The following GREB1 variants were observed in gnomAD, a reference collection of about 807,000 sequenced individuals.
GREB1 encodes protein GREB1.
In GREB1, 106 loss-of-function variants were observed where a neutral mutation model predicts 200.7. The observed-to-expected ratio is 0.53, with a 90% CI of 0.45 to 0.62. The LOEUF is 0.62. GREB1 is among the 20% of genes least tolerant of loss of function. The pLI is 0.00. For synonymous variants in GREB1, 1,132 were observed against 1,092.4 expected (o/e 1.04, Z -0.72); for missense variants, 2,243 against 2,556.8 (o/e 0.88, Z 2.65).
chr2:11,544,635 T>C (rs909348848), intron 1 of GREB1, among the ~76,000 whole-genome samples: 1 of 152,166 alleles, frequency 6.6e-6, no homozygotes, highest in African/African-American at 2.4e-5. Flanking sequence ...AATGTTTTCC[T>C]TGGAATGGGC....
At chr2:11,623,145 C>T (rs933868372) in intron 23 of GREB1, among the ~76,000 whole-genome samples, 15 of 152,166 alleles carry the variant, frequency 9.9e-5, no homozygotes, top group African/African-American at 3.1e-4. Context: ...TCTAGGGGAA[C>T]TGAAAAATTC....
At position 11,585,817 on chromosome 2, in the gene GREB1, C is replaced by G. The variant is rs779038044; in HGVS notation, c.1071C>G (p.Val357=). The change falls in exon 9 of 33, where the codon GTC becomes GTG. Residue 357 remains valine, a synonymous_variant. Coordinates refer to ENST00000381486, the MANE Select transcript of GREB1 (RefSeq NM_014668.4). Reference sequence around the variant, plus strand: ...TTGGCTTGGTGGGACCAGCTTCAGTCACCTTTCCAGTGGTGGCCTCTGGAG... The same window carrying G: ...TTGGCTTGGTGGGACCAGCTTCAGTGACCTTTCCAGTGGTGGCCTCTGGAG... ...PQVGLVGPAS[V]TFPVVASGEP... 3 of 1,613,792 alleles carry G rather than the reference C, an allele frequency of 1.9e-6. No homozygotes were observed. Among genetic ancestry groups the G allele is most frequent in the Non-Finnish European group, 2.5e-6 (3 of 1,179,992 alleles).
At chr2:11,631,558 G>A (rs878913117) in intron 26 of GREB1, among the ~76,000 whole-genome samples, 4 of 152,166 alleles carry the variant, frequency 2.6e-5, no homozygotes, top group East Asian at 1.9e-4. Context: ...TCACTCACTC[G>A]TGTCGATAGT....
chr2:11,590,429 C>T (rs576000495), intron 10 of GREB1, among the ~76,000 whole-genome samples: 2 of 152,298 alleles, frequency 1.3e-5, no homozygotes, highest in African/African-American at 4.8e-5. Flanking sequence ...TGCTCTGTCC[C>T]AGCCCACTGT....
At chr2:11,594,555 A>T (rs916185515) in intron 11 of GREB1, among the ~76,000 whole-genome samples, 1 of 151,582 alleles carries the variant, frequency 6.6e-6, no homozygotes, top group Non-Finnish European at 1.5e-5. Context: ...GGGTTTCACC[A>T]TGTTGGCCAG....
At chr2:11,596,308 G>C (rs1218539041) in intron 13 of GREB1, 69 bp downstream of exon 13, 3 of 1,446,212 alleles carry the variant, frequency 2.1e-6, no homozygotes, top group Non-Finnish European at 2.9e-6. Context: ...AGGGTCAGTG[G>C]GCGCAGGTGT....
chr2:11,493,496 G>A lies in GREB1; in HGVS notation c.-159+11115G>A, dbSNP rs1217637968. Reference sequence around the variant, plus strand: ...GTAATGACAGCAATGGGGAGCGACTGTAAATACAGATGAAACTTCTCTTGC... The same window carrying A: ...GTAATGACAGCAATGGGGAGCGACTATAAATACAGATGAAACTTCTCTTGC... On this transcript the variant is annotated intron_variant, in intron 1 of 2. Transcript: ENST00000628795. The surrounding 1 kb of genome is among the most constrained non-coding windows in gnomAD (Gnocchi z 4.6). Among the ~76,000 whole-genome samples, 1 of 152,170 alleles carries A rather than the reference G, an allele frequency of 6.6e-6. No individual in the cohort carries two copies. The highest frequency in any genetic ancestry group is 1.5e-5 in the Non-Finnish European group (1 of 68,030).
At chr2:11,620,467 G>A (rs767176835) in intron 22 of GREB1, among the ~76,000 whole-genome samples, 2 of 152,100 alleles carry the variant, frequency 1.3e-5, no homozygotes, top group African/African-American at 4.8e-5. Context: ...CTTTTCCTGG[G>A]TTTAGAAGGA....
intron 4 of GREB1, among the ~76,000 whole-genome samples, chr2:11,566,965 C>T (rs78368137): frequency 0.02 from 3,035 of 152,274 alleles, 42 homozygotes; most frequent in Non-Finnish European, 0.029. Flanking sequence ...CTGTCCTAGG[C>T]AGTCTCAGAA....
intron 1 of GREB1, among the ~76,000 whole-genome samples, chr2:11,511,868 C>T (rs188330400): frequency 3.3e-5 from 5 of 152,248 alleles, no homozygotes; most frequent in South Asian, 4.2e-4. Context: ...TGACACACCT[C>T]GGATGCCTGG....
At chr2:11,616,951 C>T (rs910890424) in intron 21 of GREB1, among the ~76,000 whole-genome samples, 3 of 152,218 alleles carry the variant, frequency 2.0e-5, no homozygotes, top group African/African-American at 7.2e-5. Flanking sequence ...TGCCCCTGTG[C>T]TCAGGGGAGG....
At chr2:11,591,583 A>G (rs757976537) in intron 10 of GREB1, 3 of 640,446 alleles carry the variant, frequency 4.7e-6, no homozygotes, top group Non-Finnish European at 8.6e-6. Flanking sequence ...GGTGCGGTAA[A>G]ACCAGCGCTT....
chr2:11,530,559 C>T (rs756537994), upstream of GREB1, among the ~76,000 whole-genome samples: 81 of 108,286 alleles, frequency 7.5e-4, 1 homozygote, highest in Admixed American at 3.2e-3. Context: ...GAGCGAGACT[C>T]GGTCTCAAAA....
intron 1 of GREB1, among the ~76,000 whole-genome samples, chr2:11,552,496 C>G (rs922533427): frequency 1.3e-5 from 2 of 152,198 alleles, no homozygotes; most frequent in Admixed American, 6.5e-5. Context: ...TTGAACTAGG[C>G]TCTTCCCTGT....
chr2:11,557,351 A>G (rs1406630228), intron 2 of GREB1, among the ~76,000 whole-genome samples: 3 of 152,272 alleles, frequency 2.0e-5, no homozygotes, highest in African/African-American at 7.2e-5. Context: ...GTAACCCCTC[A>G]GTGATCCATA....
chr2:11,523,693 C>T (rs768190015), intron 1 of GREB1, among the ~76,000 whole-genome samples: 1 of 152,166 alleles, frequency 6.6e-6, no homozygotes, highest in South Asian at 2.1e-4. Flanking sequence ...GACGGGAGGA[C>T]CTGCAAACAA....
chr2:11,628,938 C>T (rs866195113), intron 25 of GREB1, among the ~76,000 whole-genome samples: 16 of 152,178 alleles, frequency 1.1e-4, no homozygotes, highest in African/African-American at 2.7e-4. Flanking sequence ...GGCCGCGTGG[C>T]CCCCTGGCTG....
At chr2:11,487,749 T>A (rs1672687951) in intron 1 of GREB1, among the ~76,000 whole-genome samples, 1 of 152,210 alleles carries the variant, frequency 6.6e-6, no homozygotes, top group Non-Finnish European at 1.5e-5. Context: ...TTGTGTTTCC[T>A]CCCTCCCCAC....
intron 4 of GREB1, among the ~76,000 whole-genome samples, chr2:11,567,757 G>T (rs1440473876): frequency 6.6e-6 from 1 of 152,232 alleles, no homozygotes; most frequent in Non-Finnish European, 1.5e-5. Context: ...CTTACTGTGT[G>T]CCGGGCCATC....
Sources: allele counts gnomAD v4.1 joint callset (sites outside exome capture counted in the v4.1 genomes callset), GRCh38; gene constraint gnomAD v4.1.1; non-coding constraint Gnocchi (gnomAD v3.1); transcripts MANE v1.5; gene names NCBI Gene and HGNC (gene_info 2026-07-23, HGNC 2026-07-21).